Variants in ZNF430 observed in about 807,000 individuals in gnomAD.
The protein encoded by ZNF430 is zinc finger protein 430.
ZNF430 carries 35 observed loss-of-function variants against 56.7 expected under a neutral mutation model. That is an observed-to-expected ratio of 0.62 (90% confidence interval 0.47 to 0.82). The LOEUF (loss-of-function observed/expected upper bound fraction) is 0.82. Among genes scored for constraint, ZNF430 ranks in the 40% least tolerant of loss-of-function variants. ZNF430 has a pLI of 0.00. For missense variants in ZNF430, 574 were observed against 661.0 expected, an observed-to-expected ratio of 0.87 and a Z score of 1.44; for synonymous variants, 212 against 224.3, an observed-to-expected ratio of 0.94 and a Z score of 0.49.
intron 2 of ZNF430, among the ~76,000 whole-genome samples, chr19:21,023,371 C>G (rs1283338375): frequency 6.6e-6 from 1 of 152,096 alleles, no homozygotes; most frequent in Non-Finnish European, 1.5e-5. Flanking sequence ...TTATTTTAAC[C>G]TCAGTTTTTT....
At chr19:21,029,507 G>A (rs73014828) in intron 2 of ZNF430, among the ~76,000 whole-genome samples, 10,805 of 152,218 alleles carry the variant, frequency 0.071, 468 homozygotes, top group Non-Finnish European at 0.086. Context: ...ATTCTCTTAT[G>A]TAAGCTTAGG....
At chr19:21,050,116 CTG>C (rs1288543387) in intron 4 of ZNF430, among the ~76,000 whole-genome samples, 2 of 151,498 alleles carry the variant, frequency 1.3e-5, no homozygotes, top group Admixed American at 6.6e-5. Flanking sequence ...GATCTCCTGA[CTG>C]TGTGATCCGC....
intron 4 of ZNF430, among the ~76,000 whole-genome samples, chr19:21,050,242 A>G (rs1366854977): frequency 6.6e-6 from 1 of 152,126 alleles, no homozygotes; most frequent in African/African-American, 2.4e-5. Context: ...ATGGTGTCCA[A>G]TAAGTTTTAC....
intron 4 of ZNF430, among the ~76,000 whole-genome samples, chr19:21,038,234 C>T (rs1968038431): frequency 6.6e-6 from 1 of 151,696 alleles, no homozygotes; most frequent in Non-Finnish European, 1.5e-5. Flanking sequence ...AGAAATGATC[C>T]AACCTTATTT....
intron 2 of ZNF430, among the ~76,000 whole-genome samples, chr19:21,026,666 C>T (rs558680976): frequency 6.6e-5 from 10 of 152,000 alleles, no homozygotes; most frequent in Middle Eastern, 3.4e-3. Flanking sequence ...GATTTTTGTA[C>T]GTGTATTTTG....
rs571304048 is a variant in ZNF430, at chr19:21,031,164, G to T, written c.97-2292G>T. ...CTCCTAAAGTGCCAGGATTACAAGTGTGAGCCACCGCGCCCGGCCTCTGCC... is the reference window on the plus strand; with the variant it reads ...CTCCTAAAGTGCCAGGATTACAAGTTTGAGCCACCGCGCCCGGCCTCTGCC... On this transcript the variant is annotated intron_variant, in intron 2 of 4. Coordinates refer to ENST00000261560, the MANE Select transcript of ZNF430 (RefSeq NM_025189.4). 4.7e-4 allele frequency among the ~76,000 whole-genome samples: 71 copies of T among 152,294 alleles called. 1 individual carries two copies. The South Asian group carries it at 0.014, about 31-fold the overall frequency.
chr19:21,024,902 T>C (rs775344796), intron 2 of ZNF430, among the ~76,000 whole-genome samples: 3 of 152,166 alleles, frequency 2.0e-5, no homozygotes, highest in Admixed American at 6.5e-5. Context: ...AATGGAGTTG[T>C]ATATTGGCTC....
intron 2 of ZNF430, among the ~76,000 whole-genome samples, chr19:21,032,581 G>C (rs1040268210): frequency 1.3e-5 from 2 of 152,104 alleles, no homozygotes; most frequent in African/African-American, 2.4e-5. Context: ...TACAAAATTA[G>C]CTGGGCATGG....
intron 4 of ZNF430, among the ~76,000 whole-genome samples, chr19:21,042,751 G>A (rs1311201267): frequency 6.6e-6 from 1 of 151,418 alleles, no homozygotes; most frequent in Non-Finnish European, 1.5e-5. Flanking sequence ...TCGCGCCACT[G>A]CACTCTAGCC....
chr19:21,021,051 TC>T (rs1434082785), intron 1 of ZNF430, among the ~76,000 whole-genome samples: 1 of 152,166 alleles, frequency 6.6e-6, no homozygotes, highest in Non-Finnish European at 1.5e-5. Context: ...TCTGGGCAGC[TC>T]TGCATCCGCA....
At chr19:21,048,901 G>GTT (rs1968231976) in intron 4 of ZNF430, among the ~76,000 whole-genome samples, 1 of 151,980 alleles carries the variant, frequency 6.6e-6, no homozygotes, top group South Asian at 2.1e-4. Flanking sequence ...ATATCTTAAA[G>GTT]TTAAAAAAAT....
At chr19:21,051,105 T>C (rs149499700) in intron 4 of ZNF430, among the ~76,000 whole-genome samples, 1 of 152,324 alleles carries the variant, frequency 6.6e-6, no homozygotes, top group Non-Finnish European at 1.5e-5. Context: ...TATTTATATG[T>C]TGCAAAGCTA....
At position 21,057,445 on chromosome 19, in the gene ZNF430, C is replaced by G. The variant is rs755083367; in HGVS notation, c.1137C>G (p.Gly379=). 6.2e-7 allele frequency: 1 copy of G among 1,613,654 alleles called. No individual in the cohort carries two copies. The highest frequency in any genetic ancestry group is 8.5e-7 in the Non-Finnish European group (1 of 1,179,950). The change falls in exon 5 of 5, where the codon GGC becomes GGG. Residue 379 remains glycine, a synonymous_variant. Coordinates refer to ENST00000261560, the MANE Select transcript of ZNF430 (RefSeq NM_025189.4). The stretch of plus-strand genomic sequence containing the variant: ...AACCTTACAAATGTGAAGAATGTGG[C>G]AAAGCTTTTTACCGATTCTCATACC... ...GEKPYKCEEC[G]KAFYRFSYLT...
chr19:21,056,795 GATGAACTAAAC>G lies in ZNF430; in HGVS notation c.488_498del (p.Asp163AlafsTer9). On this transcript the variant is annotated frameshift_variant, in exon 5 of 5. Transcript: ENST00000261560. LOFTEE classifies it high-confidence loss of function. ...GTGTAATCTGCACAAAGAATGTTAT[GATGAACTAAAC>G]CAGTGTTTGACAACTACCCAGAGTG... is the stretch of plus-strand genomic sequence containing the variant. The G allele has an allele frequency of 6.2e-7, 1 of 1,613,850 alleles. No homozygotes were observed. The highest frequency in any genetic ancestry group is 2.2e-5 in the East Asian group (1 of 44,834).
chr19:21,028,046 T>C (rs1967835418), intron 2 of ZNF430, among the ~76,000 whole-genome samples: 1 of 152,180 alleles, frequency 6.6e-6, no homozygotes, highest in Admixed American at 6.5e-5. Context: ...CACCCAAGAA[T>C]GCAGAGTGTG....
rs764296841 is a variant in ZNF430, at chr19:21,057,710, C to T, written c.1402C>T (p.Arg468Trp). ...KCEECGKAFN[R>W]SPKLTAHKVI... Reference sequence around the variant, plus strand: ...TGAAGAATGTGGCAAAGCCTTTAACCGGTCCCCAAAACTTACTGCACATAA... The same window carrying T: ...TGAAGAATGTGGCAAAGCCTTTAACTGGTCCCCAAAACTTACTGCACATAA... The change falls in exon 5 of 5, where the codon CGG (arginine) becomes TGG (tryptophan). Residue 468 changes from arginine to tryptophan, a missense_variant. Transcript: ENST00000261560. 1.5e-5 allele frequency: 24 copies of T among 1,604,714 alleles called. No individual in the cohort carries two copies. Among genetic ancestry groups the T allele is most frequent in the Admixed American group, 6.8e-5 (4 of 58,748 alleles).
intron 4 of ZNF430, among the ~76,000 whole-genome samples, chr19:21,051,177 A>G (rs1028494149): frequency 6.6e-6 from 1 of 151,870 alleles, no homozygotes; most frequent in Non-Finnish European, 1.5e-5. Context: ...TGCAAGCACC[A>G]CTCTGTTTTC....
chr19:21,040,227 A>C (rs1327807060), intron 4 of ZNF430, among the ~76,000 whole-genome samples: 1 of 152,194 alleles, frequency 6.6e-6, no homozygotes, highest in Admixed American at 6.5e-5. Flanking sequence ...TTTAACTGGA[A>C]AGTTTTGTAC....
At chr19:21,035,490 A>G (rs1481030563) in intron 4 of ZNF430, 2 of 184,410 alleles carry the variant, frequency 1.1e-5, no homozygotes, top group Non-Finnish European at 2.4e-5. Flanking sequence ...ACTTGTGTTC[A>G]ATTTCAGTGG....
Sources: allele counts gnomAD v4.1 joint callset (sites outside exome capture counted in the v4.1 genomes callset), GRCh38; gene constraint gnomAD v4.1.1; transcripts MANE v1.5; gene names NCBI Gene and HGNC (gene_info 2026-07-23, HGNC 2026-07-21).